Variants in KATNAL1 observed in about 807,000 individuals in gnomAD.
KATNAL1 encodes the protein katanin p60 ATPase-containing subunit A-like 1.
In KATNAL1, 32 loss-of-function variants were observed where a neutral mutation model predicts 55.2. The ratio of observed to expected loss-of-function variants is 0.58; its 90% CI spans 0.44 to 0.78. KATNAL1 has a LOEUF of 0.78. KATNAL1 is among the 30% of genes least tolerant of loss of function. The probability of loss-of-function intolerance (pLI) is 0.00; values close to 1 mark genes in which losing one functional copy is unlikely to be tolerated. For missense variants in KATNAL1, 466 were observed against 600.9 expected (o/e 0.78, Z 2.35); for synonymous variants, 193 against 193.6 (o/e 1.00, Z 0.02).
chr13:30,219,475 C>T (rs750752046), intron 9 of KATNAL1, among the ~76,000 whole-genome samples: 19 of 152,194 alleles, frequency 1.2e-4, no homozygotes, highest in Non-Finnish European at 2.5e-4. Context: ...GCAGAGCTCT[C>T]GGCTCATGCA....
chr13:30,267,776 AAG>A (rs922164953), intron 3 of KATNAL1, among the ~76,000 whole-genome samples: 1 of 152,030 alleles, frequency 6.6e-6, no homozygotes, highest in Non-Finnish European at 1.5e-5. Flanking sequence ...ACAGCCAAGA[AAG>A]AGAGAGAGAG....
chr13:30,270,140 G>A (rs1193274390), intron 3 of KATNAL1, among the ~76,000 whole-genome samples: 11 of 114,016 alleles, frequency 9.6e-5, no homozygotes, highest in East Asian at 6.9e-4. Flanking sequence ...CTGCCCGGCC[G>A]CCCCTACTGG....
chr13:30,305,931 C>T (rs1277617154), intron 1 of KATNAL1, among the ~76,000 whole-genome samples: 1 of 152,182 alleles, frequency 6.6e-6, no homozygotes, highest in Non-Finnish European at 1.5e-5. Flanking sequence ...TGTTTTCTAC[C>T]TGTCTTACTA....
At position 30,208,754 on chromosome 13, in the gene KATNAL1, A is replaced by C. The variant is rs764532340; in HGVS notation, c.1275-16T>G. Reference sequence around the variant, plus strand: ...AGAGGCATCCCTAAAAATATACCAAAATCAGTCAACAGTAATTTTTGCACA... The same window carrying C: ...AGAGGCATCCCTAAAAATATACCAACATCAGTCAACAGTAATTTTTGCACA... On this transcript the variant is annotated splice_polypyrimidine_tract_variant and intron_variant, in intron 10 of 10. Transcript: ENST00000380615. 6.4e-7 allele frequency: 1 copy of C among 1,566,744 alleles called. No homozygotes were observed. Among genetic ancestry groups the C allele is most frequent in the South Asian group, 1.2e-5 (1 of 84,072 alleles).
chr13:30,274,604 T>C (rs749592391), intron 3 of KATNAL1, among the ~76,000 whole-genome samples: 1 of 152,188 alleles, frequency 6.6e-6, no homozygotes, highest in Non-Finnish European at 1.5e-5. Context: ...AGATGTAACT[T>C]TGAAAGACCT....
intron 1 of KATNAL1, among the ~76,000 whole-genome samples, chr13:30,288,162 T>C (rs564784864): frequency 1.2e-4 from 18 of 152,324 alleles, no homozygotes; most frequent in African/African-American, 4.1e-4. Flanking sequence ...CATTTCATGT[T>C]TGAAAATGTC....
intron 8 of KATNAL1, among the ~76,000 whole-genome samples, chr13:30,229,746 A>G (rs919324259): frequency 6.6e-6 from 1 of 152,114 alleles, no homozygotes; most frequent in East Asian, 1.9e-4. Flanking sequence ...TGAGAACCCC[A>G]AAGAGCTTTT....
intron 6 of KATNAL1, among the ~76,000 whole-genome samples, chr13:30,235,737 C>T (rs889130340): frequency 5.3e-5 from 8 of 152,110 alleles, no homozygotes; most frequent in African/African-American, 1.7e-4. Context: ...GATTTACATC[C>T]TTTGGCTATA....
chr13:30,260,939 GA>G (rs1879234317), intron 3 of KATNAL1, among the ~76,000 whole-genome samples: 1 of 151,324 alleles, frequency 6.6e-6, no homozygotes, highest in Non-Finnish European at 1.5e-5. Context: ...AAGTTGAAAT[GA>G]AGGAAAAAAT....
At chr13:30,286,011 A>T (rs1332633110) in intron 1 of KATNAL1, among the ~76,000 whole-genome samples, 1 of 152,296 alleles carries the variant, frequency 6.6e-6, no homozygotes. Flanking sequence ...GGAAGGGGGG[A>T]TTGCTCTTAA....
At chr13:30,259,796 A>T (rs968759858) in intron 3 of KATNAL1, among the ~76,000 whole-genome samples, 3 of 152,058 alleles carry the variant, frequency 2.0e-5, no homozygotes, top group African/African-American at 7.2e-5. Flanking sequence ...AGGCTGGGGG[A>T]GGGGCGCCCA....
rs181717995 is a variant in KATNAL1 at position 30,249,696 on chromosome 13, A to T, written c.492+5751T>A. On this transcript the variant is annotated intron_variant, in intron 4 of 10. Transcript: ENST00000380615. The stretch of plus-strand genomic sequence containing the variant: ...ATTAATTTATGGCATTAGAAATCAG[A>T]ACAGTGGTTACCTTTGGGAAAGAGG... Among the ~76,000 whole-genome samples, 1,499 of 152,316 alleles carry T rather than the reference A, an allele frequency of 9.8e-3. 23 individuals carry two copies. The highest frequency in any genetic ancestry group is 0.034 in the African/African-American group (1,403 of 41,548).
intron 1 of KATNAL1, chr13:30,307,012 A>AT (rs10624978): frequency 0.51 from 76,616 of 150,980 alleles, 20,043 homozygotes; most frequent in African/African-American, 0.63. Context: ...ACAAAGAGAG[A>AT]TTTTTTTTTC....
intron 9 of KATNAL1, among the ~76,000 whole-genome samples, chr13:30,216,444 A>G (rs781117702): frequency 2.6e-5 from 4 of 152,142 alleles, no homozygotes; most frequent in Non-Finnish European, 5.9e-5. Context: ...GTATTGAGTT[A>G]TGTTTCACAC....
chr13:30,306,156 T>G (rs1883161935), intron 1 of KATNAL1, among the ~76,000 whole-genome samples: 1 of 152,158 alleles, frequency 6.6e-6, no homozygotes, highest in South Asian at 2.1e-4. Context: ...ATTAAAAAAT[T>G]TTAAAGGGTC....
At chr13:30,230,265 T>C (rs1225135490) in intron 8 of KATNAL1, among the ~76,000 whole-genome samples, 2 of 152,244 alleles carry the variant, frequency 1.3e-5, no homozygotes, top group African/African-American at 4.8e-5. Context: ...CCTTTTTCTT[T>C]GTAACCTCAG....
chr13:30,258,575 T>A (rs954040363), intron 3 of KATNAL1, among the ~76,000 whole-genome samples: 3 of 152,242 alleles, frequency 2.0e-5, no homozygotes, highest in African/African-American at 7.2e-5. Flanking sequence ...TAAGTCCAAT[T>A]TATCAATATT....
chr13:30,307,527 C>T lies in KATNAL1; in HGVS notation c.-211G>A, dbSNP rs1236921467. ...GGGAGGGAGCGCGGGGGCTGTGAGT[C>T]CGCTCTGGGGCGGAGCTTGGGACTC... On this transcript the variant is annotated 5_prime_UTR_variant, in exon 1 of 11. Coordinates refer to ENST00000380615, the MANE Select transcript of KATNAL1 (RefSeq NM_032116.5). 6.6e-6 allele frequency: 1 copy of T among 152,328 alleles called. No homozygotes were observed. Among genetic ancestry groups the T allele is most frequent in the Non-Finnish European group, 1.5e-5 (1 of 68,160 alleles). The allele number at this position is 152,328 out of a possible 1,614,324, so 9.4% of individuals were successfully genotyped here. A position where few individuals can be genotyped will look rare whatever the true frequency, so the allele number is the denominator to read the frequency against.
intron 3 of KATNAL1, 94 bp from the exon 4 acceptor site, chr13:30,255,709 A>T: frequency 1.7e-6 from 2 of 1,164,264 alleles, no homozygotes. Flanking sequence ...AAAATTGTTA[A>T]ATCAAAAAGC....
Sources: gnomAD v4.1 joint callset for allele counts (sites outside exome capture counted in the v4.1 genomes callset) on GRCh38, gnomAD v4.1.1 for gene constraint, MANE v1.5 for transcripts, NCBI Gene and HGNC (gene_info 2026-07-23, HGNC 2026-07-21) for gene names.